Variants in FAM117B observed in about 807,000 individuals in gnomAD.
The protein encoded by FAM117B is protein FAM117B.
FAM117B carries 22 observed loss-of-function variants against 52.8 expected under a neutral mutation model. That is an observed-to-expected ratio of 0.42 (90% CI 0.30 to 0.59). The LOEUF (loss-of-function observed/expected upper bound fraction) is 0.59, where lower values mean the gene tolerates loss of function less well. Among genes scored for constraint, FAM117B ranks in the 20% least tolerant of loss-of-function variants. The pLI, the probability that FAM117B is intolerant of heterozygous loss-of-function variation, is 0.22. For missense variants in FAM117B, 678 were observed against 802.6 expected (o/e 0.84, Z 1.88); for synonymous variants, 309 against 324.1 (o/e 0.95, Z 0.50).
At chr2:202,710,860 T>G (rs1690946647) in intron 2 of FAM117B, among the ~76,000 whole-genome samples, 1 of 152,166 alleles carries the variant, frequency 6.6e-6, no homozygotes, top group South Asian at 2.1e-4. Context: ...ATGTCCTCCA[T>G]TCATGCTGTT....
At chr2:202,727,789 ATACT>A (rs1186841964) in intron 4 of FAM117B, among the ~76,000 whole-genome samples, 2 of 152,140 alleles carry the variant, frequency 1.3e-5, no homozygotes, top group Non-Finnish European at 2.9e-5. Flanking sequence ...GAAGCCTAAA[ATACT>A]TACTGTTTGG....
At chr2:202,688,347 C>T (rs2105773335) in intron 1 of FAM117B, among the ~76,000 whole-genome samples, 1 of 152,206 alleles carries the variant, frequency 6.6e-6, no homozygotes, top group East Asian at 1.9e-4. Flanking sequence ...TGGAGGCAGC[C>T]AGTGTCATCA....
At chr2:202,690,257 A>G (rs1332062303) in intron 1 of FAM117B, among the ~76,000 whole-genome samples, 2 of 152,226 alleles carry the variant, frequency 1.3e-5, no homozygotes, top group African/African-American at 4.8e-5. Context: ...ATTAACCAAA[A>G]AGCATGTGAA....
chr2:202,695,872 T>G lies in FAM117B; in HGVS notation c.602-9T>G. 2 of 1,568,350 alleles carry G rather than the reference T, an allele frequency of 1.3e-6. No individual in the cohort carries two copies. Among genetic ancestry groups the G allele is most frequent in the Non-Finnish European group, 1.7e-6 (2 of 1,156,688 alleles). On this transcript the variant is annotated splice_polypyrimidine_tract_variant and intron_variant, in intron 1 of 7. Coordinates refer to ENST00000392238, the MANE Select transcript of FAM117B (RefSeq NM_173511.4). ...TTTATTAAAACAAGCATTTTTGTCT[T>G]AAATCTAGGTGACAAAACACGACAG...
At chr2:202,642,562 G>A (rs937844293) in intron 1 of FAM117B, among the ~76,000 whole-genome samples, 10 of 152,130 alleles carry the variant, frequency 6.6e-5, no homozygotes, top group African/African-American at 2.2e-4. Flanking sequence ...ATAACAGTGA[G>A]GAGAACAGAT....
At chr2:202,743,394 G>A (rs1691579455) in intron 4 of FAM117B, among the ~76,000 whole-genome samples, 2 of 151,984 alleles carry the variant, frequency 1.3e-5, no homozygotes, top group African/African-American at 4.8e-5. Context: ...TAGGAAAAAG[G>A]CTTTCCCTAT....
At chr2:202,644,703 A>G (rs1257075673) in intron 1 of FAM117B, among the ~76,000 whole-genome samples, 1 of 152,224 alleles carries the variant, frequency 6.6e-6, no homozygotes, top group Non-Finnish European at 1.5e-5. Flanking sequence ...TTGACTGGGT[A>G]TAGAATTAGA....
intron 1 of FAM117B, among the ~76,000 whole-genome samples, chr2:202,638,201 A>G (rs925894247): frequency 6.6e-6 from 1 of 152,198 alleles, no homozygotes; most frequent in Admixed American, 6.5e-5. Flanking sequence ...TCTTACAGAT[A>G]TGAACAAAAC....
intron 4 of FAM117B, among the ~76,000 whole-genome samples, chr2:202,727,942 T>C (rs1279772330): frequency 2.6e-5 from 4 of 152,232 alleles, no homozygotes; most frequent in African/African-American, 7.2e-5. Flanking sequence ...AAAATATTAA[T>C]ACTCGGGTCA....
intron 4 of FAM117B, among the ~76,000 whole-genome samples, chr2:202,739,343 A>G (rs1031738933): frequency 1.9e-4 from 29 of 151,838 alleles, no homozygotes; most frequent in African/African-American, 6.1e-4. Flanking sequence ...ATGCTTTTCT[A>G]TGCCTGCTTT....
intron 3 of FAM117B, 45 bp from the exon 4 acceptor site, chr2:202,726,205 C>T: frequency 1.5e-6 from 2 of 1,338,170 alleles, no homozygotes; most frequent in African/African-American, 1.5e-5. Context: ...GTTTTTGTTT[C>T]ATGTAGAAAA....
chr2:202,764,758 G>A (rs1691949524), intron 7 of FAM117B, among the ~76,000 whole-genome samples: 1 of 152,096 alleles, frequency 6.6e-6, no homozygotes, highest in East Asian at 1.9e-4. Flanking sequence ...ATTTTCAGGA[G>A]GACCTAGGAA....
chr2:202,699,363 G>T (rs1055415590), intron 2 of FAM117B, among the ~76,000 whole-genome samples: 1 of 141,280 alleles, frequency 7.1e-6, no homozygotes. Context: ...GGAGGTGGAG[G>T]TTGCTGTGAG....
chr2:202,670,023 G>T (rs1690267021), intron 1 of FAM117B, among the ~76,000 whole-genome samples: 1 of 152,088 alleles, frequency 6.6e-6, no homozygotes, highest in African/African-American at 2.4e-5. Context: ...CTCACATACT[G>T]TCTAAGTACT....
chr2:202,635,772 C>G lies in FAM117B; in HGVS notation c.585C>G (p.Ala195=), dbSNP rs1689674470. 2 of 1,453,702 alleles carry G rather than the reference C, an allele frequency of 1.4e-6. No homozygotes were observed. Among genetic ancestry groups the G allele is most frequent in the Admixed American group, 2.4e-5 (1 of 41,254 alleles). The allele number at this position is 1,453,702 out of a possible 1,614,324, so 90.1% of individuals were successfully genotyped here. A position where few individuals can be genotyped will look rare whatever the true frequency, so the allele number is the denominator to read the frequency against. Residue 195 remains alanine, a synonymous_variant, in exon 1 of 8, where the codon GCC becomes GCG. Transcript: ENST00000392238. ...RSSPEKRSPS[A]PVCKAGDKTR... ...CGCCGGAGAAGAGGAGCCCCAGCGCCCCGGTTTGCAAAGCAGGTAAGTGCT... is the reference window on the plus strand; with the variant it reads ...CGCCGGAGAAGAGGAGCCCCAGCGCGCCGGTTTGCAAAGCAGGTAAGTGCT...
Position 202,635,511 on chromosome 2 carries a change from G to T in FAM117B, c.324G>T (p.Thr108=). 5 of 1,097,932 alleles carry T rather than the reference G, an allele frequency of 4.6e-6. No individual in the cohort carries two copies. Among genetic ancestry groups the T allele is most frequent in the Non-Finnish European group, 5.5e-6 (5 of 905,338 alleles). The allele number at this position is 1,097,932 out of a possible 1,614,324, so 68.0% of individuals were successfully genotyped here. ...ACGCGGCCGCGCGCACCAGCCCCACGGTGGCCACGCAGACGGGCGCGTCCG... is the reference window on the plus strand; with the variant it reads ...ACGCGGCCGCGCGCACCAGCCCCACTGTGGCCACGCAGACGGGCGCGTCCG... ...GGNAAARTSP[T]VATQTGASAT... is the part of the protein sequence containing the mutation. The change falls in exon 1 of 8, where the codon ACG becomes ACT. Residue 108 remains threonine (T), a synonymous_variant. Transcript: ENST00000392238.
intron 2 of FAM117B, among the ~76,000 whole-genome samples, chr2:202,696,693 A>G (rs968884217): frequency 2.6e-5 from 4 of 152,170 alleles, no homozygotes; most frequent in African/African-American, 9.7e-5. Flanking sequence ...AAAAATGTAA[A>G]TATTCTGACA....
chr2:202,656,964 A>C (rs1006926746), intron 1 of FAM117B, among the ~76,000 whole-genome samples: 2 of 151,908 alleles, frequency 1.3e-5, no homozygotes, highest in East Asian at 1.9e-4. Flanking sequence ...TCTTAAGTCT[A>C]CTCTGATTAG....
At chr2:202,733,812 A>C (rs1348201894) in intron 4 of FAM117B, among the ~76,000 whole-genome samples, 1 of 152,210 alleles carries the variant, frequency 6.6e-6, no homozygotes, top group African/African-American at 2.4e-5. Context: ...CAATTTGTAC[A>C]ATAGTGTTCC....
Sources: allele counts gnomAD v4.1 joint callset (sites outside exome capture counted in the v4.1 genomes callset), GRCh38; gene constraint gnomAD v4.1.1; transcripts MANE v1.5; gene names NCBI Gene and HGNC (gene_info 2026-07-23, HGNC 2026-07-21).